Variants in TENM3 observed in about 807,000 individuals in gnomAD.
TENM3 encodes the protein teneurin-3.
Under a neutral mutation model 255.1 loss-of-function variants are expected in TENM3, and 63 were observed. That is an observed-to-expected ratio of 0.25 (90% CI 0.20 to 0.30). The LOEUF is 0.30. Among genes scored for constraint, TENM3 ranks in the 10% least tolerant of loss-of-function variants. TENM3 has a pLI of 1.00. For missense variants in TENM3, 2,929 were observed against 3,461.1 expected, an observed-to-expected ratio of 0.85 and a Z score of 3.86; for synonymous variants, 1,306 against 1,322.3, an observed-to-expected ratio of 0.99 and a Z score of 0.27.
At chr4:182,017,843 A>AT in the TENM3 span, among the ~76,000 whole-genome samples, 2 of 152,138 alleles carry the variant, frequency 1.3e-5, no homozygotes, top group Non-Finnish European at 2.9e-5. Context: ...AACTAAGACG[A>AT]TTTTCTTTTG....
the TENM3 span, among the ~76,000 whole-genome samples, chr4:181,919,386 T>A: frequency 1.9e-3 from 281 of 151,634 alleles, 1 homozygote; most frequent in Non-Finnish European, 3.1e-3. Context: ...TGTGTGTGTG[T>A]GTGTGTGTGT....
the TENM3 span, among the ~76,000 whole-genome samples, chr4:182,053,532 G>A: frequency 6.6e-6 from 1 of 152,126 alleles, no homozygotes; most frequent in African/African-American, 2.4e-5. Context: ...GACCACAGGG[G>A]TCCACAGTGG....
At chr4:182,037,519 A>G in the TENM3 span, among the ~76,000 whole-genome samples, 1 of 152,198 alleles carries the variant, frequency 6.6e-6, no homozygotes, top group Non-Finnish European at 1.5e-5. Context: ...CTTCTATATC[A>G]AATGTATTTT....
chr4:182,238,425 G>A (rs1221880528), upstream of TENM3, among the ~76,000 whole-genome samples: 2 of 152,274 alleles, frequency 1.3e-5, no homozygotes, highest in Admixed American at 1.3e-4. Context: ...CAGGCCAAAT[G>A]CAACGCCCAG....
chr4:182,419,707 C>T (rs1308449676), intron 3 of TENM3, among the ~76,000 whole-genome samples: 2 of 152,122 alleles, frequency 1.3e-5, no homozygotes, highest in East Asian at 3.9e-4. Context: ...AGAATGAGTT[C>T]TTGTCCTTTG....
At chr4:182,286,705 C>T (rs1760749292) in intron 1 of TENM3, among the ~76,000 whole-genome samples, 1 of 152,084 alleles carries the variant, frequency 6.6e-6, no homozygotes, top group South Asian at 2.1e-4. Flanking sequence ...TGGTAAATTC[C>T]AGGTAATACG....
upstream of TENM3, chr4:182,142,153 A>G (rs940711214): frequency 6.6e-6 from 1 of 152,122 alleles, no homozygotes; most frequent in Non-Finnish European, 1.5e-5. Context: ...GAATGGCTAA[A>G]TGAGTGAGGG....
chr4:182,235,304 T>A (rs1756825821), intron 1 of TENM3, among the ~76,000 whole-genome samples: 1 of 152,206 alleles, frequency 6.6e-6, no homozygotes, highest in South Asian at 2.1e-4. Context: ...GTTCTCCAAG[T>A]CTGTGATCTC....
chr4:182,454,485 G>C (rs1256241097), intron 3 of TENM3, among the ~76,000 whole-genome samples: 1 of 152,076 alleles, frequency 6.6e-6, no homozygotes, highest in African/African-American at 2.4e-5. Flanking sequence ...TTTTTGCAAA[G>C]AAGCTGCAAT....
chr4:182,184,285 C>T (rs576333995), intron 1 of TENM3, among the ~76,000 whole-genome samples: 65 of 152,204 alleles, frequency 4.3e-4, no homozygotes, highest in African/African-American at 1.4e-3. Context: ...TTATTGAGTA[C>T]GCAAATAATT....
At chr4:182,155,218 T>C (rs1750623278) in intron 1 of TENM3, among the ~76,000 whole-genome samples, 3 of 152,162 alleles carry the variant, frequency 2.0e-5, no homozygotes, top group Non-Finnish European at 4.4e-5. Flanking sequence ...CCTTAATAAA[T>C]GGGCTCTTAT....
the TENM3 span, among the ~76,000 whole-genome samples, chr4:181,916,918 T>G: frequency 1.6e-4 from 24 of 152,004 alleles, no homozygotes; most frequent in African/African-American, 5.8e-4. Flanking sequence ...GACTTGGAAT[T>G]TATTGAATGG....
intron 22 of TENM3, among the ~76,000 whole-genome samples, chr4:182,763,694 A>C (rs1354375515): frequency 2.0e-5 from 3 of 152,224 alleles, no homozygotes; most frequent in Admixed American, 1.3e-4. Context: ...AAGAAAGGTT[A>C]CAGGAACCTT....
At chr4:182,143,255 C>T (rs944561368), upstream of TENM3, 28 of 167,268 alleles carry the variant, frequency 1.7e-4, no homozygotes, top group African/African-American at 6.5e-4. This position sits in a 1 kb window ranked among gnomAD's most constrained non-coding sequence, Gnocchi z 4.3. Context: ...GGTGCTTGAA[C>T]CTGGGGGGCA....
At chr4:182,369,685 A>G (rs1228038635) in intron 3 of TENM3, among the ~76,000 whole-genome samples, 2 of 152,096 alleles carry the variant, frequency 1.3e-5, no homozygotes, top group African/African-American at 4.8e-5. Flanking sequence ...GCTCGAGACC[A>G]GCTTGGTCAA....
At chr4:182,005,818 T>C in the TENM3 span, among the ~76,000 whole-genome samples, 19 of 152,132 alleles carry the variant, frequency 1.2e-4, no homozygotes, top group East Asian at 5.8e-4. Context: ...GGTGTTTTAC[T>C]CTCTTTGTAG....
the TENM3 span, among the ~76,000 whole-genome samples, chr4:181,899,503 G>A: frequency 1.3e-5 from 2 of 152,002 alleles, no homozygotes; most frequent in African/African-American, 2.4e-5. Context: ...AATTCTTTAT[G>A]TGGGTTTTTT....
At chr4:182,127,196 G>A in the TENM3 span, among the ~76,000 whole-genome samples, 7 of 152,112 alleles carry the variant, frequency 4.6e-5, no homozygotes, top group African/African-American at 1.7e-4. Flanking sequence ...GAATGTATGT[G>A]CAAAGGGTTA....
the TENM3 span, among the ~76,000 whole-genome samples, chr4:181,913,097 C>T: frequency 2.2e-4 from 34 of 152,104 alleles, no homozygotes; most frequent in African/African-American, 7.5e-4. Flanking sequence ...CAAAATAACA[C>T]GGAGAGGAAA....
Sources: allele counts gnomAD v4.1 joint callset (sites outside exome capture counted in the v4.1 genomes callset), GRCh38; gene constraint gnomAD v4.1.1; non-coding constraint Gnocchi (gnomAD v3.1); transcripts MANE v1.5; gene names NCBI Gene and HGNC (gene_info 2026-07-23, HGNC 2026-07-21).